The following NAV2 variants were observed in gnomAD, a reference collection of about 807,000 sequenced individuals.
NAV2 encodes helicase, APC down-regulated 1.
Under a neutral mutation model 223.2 loss-of-function variants are expected in NAV2, and 54 were observed. The ratio of observed to expected loss-of-function variants is 0.24; its 90% CI spans 0.19 to 0.30. NAV2 has a LOEUF of 0.30. Among genes scored for constraint, NAV2 ranks in the 10% least tolerant of loss-of-function variants. The pLI, the probability that NAV2 is intolerant of heterozygous loss-of-function variation, is 1.00. For synonymous variants in NAV2, 1,279 were observed against 1,239.3 expected, an observed-to-expected ratio of 1.03 and a Z score of -0.67; for missense variants, 2,806 against 3,147.5, an observed-to-expected ratio of 0.89 and a Z score of 2.60.
chr11:19,722,169 T>C (rs2050796575), intron 1 of NAV2, among the ~76,000 whole-genome samples: 1 of 152,244 alleles, frequency 6.6e-6, no homozygotes, highest in South Asian at 2.1e-4. Flanking sequence ...GTGAAAACTT[T>C]GGCTTAATTC....
chr11:20,101,470 A>G (rs929081942), intron 32 of NAV2, among the ~76,000 whole-genome samples: 2 of 152,222 alleles, frequency 1.3e-5, no homozygotes, highest in African/African-American at 4.8e-5. Context: ...TTTCCAAAGT[A>G]AAATATTTTG....
chr11:19,869,019 G>A (rs774866795), intron 4 of NAV2, 22 bp downstream of exon 4: 32 of 1,610,688 alleles, frequency 2.0e-5, no homozygotes, highest in Non-Finnish European at 2.3e-5. Flanking sequence ...CGCTTGTCAC[G>A]AAGCTGCCTC....
intron 1 of NAV2, among the ~76,000 whole-genome samples, chr11:19,665,338 G>A (rs1422169862): frequency 6.6e-6 from 1 of 152,234 alleles, no homozygotes; most frequent in Non-Finnish European, 1.5e-5. Flanking sequence ...GGTCTGTGGA[G>A]CCGATGCTGT....
At chr11:19,703,457 A>G (rs2049568880) in intron 1 of NAV2, among the ~76,000 whole-genome samples, 1 of 152,164 alleles carries the variant, frequency 6.6e-6, no homozygotes, top group Non-Finnish European at 1.5e-5. Flanking sequence ...GGAGGTGGGG[A>G]GCATCGCAGC....
rs145198640 is a variant in NAV2 at position 19,848,609 on chromosome 11, G to A, written c.438+5686G>A. On this transcript the variant is annotated intron_variant, in intron 3 of 37. Coordinates refer to ENST00000349880, the MANE Select transcript of NAV2 (RefSeq NM_145117.5). ...GGAGCCAGTTCCTATAACAGAGGTA[G>A]TAACAGTATTTGCCTCATGGGGTTG... 2.6e-4 allele frequency among the ~76,000 whole-genome samples: 40 copies of A among 152,336 alleles called. No individual in the cohort carries two copies. The East Asian group carries it at 7.1e-3, about 27-fold the overall frequency.
intron 3 of NAV2, among the ~76,000 whole-genome samples, chr11:19,853,327 G>A (rs1262903640): frequency 2.6e-5 from 4 of 152,194 alleles, no homozygotes; most frequent in African/African-American, 9.7e-5. Flanking sequence ...ATATTAGTCT[G>A]TAAAGTTGTT....
At chr11:19,480,757 G>A (rs1383968722) in intron 1 of NAV2, among the ~76,000 whole-genome samples, 1 of 152,112 alleles carries the variant, frequency 6.6e-6, no homozygotes, top group Admixed American at 6.5e-5. Flanking sequence ...CTCTCCTTTG[G>A]CCCTTGTCAT....
intron 1 of NAV2, among the ~76,000 whole-genome samples, chr11:19,627,186 G>A (rs2047195995): frequency 6.6e-6 from 1 of 152,108 alleles, no homozygotes; most frequent in Non-Finnish European, 1.5e-5. Flanking sequence ...TCAGGAGTTC[G>A]AGACCAGCCT....
chr11:19,967,288 C>A (rs1389938523), intron 10 of NAV2, among the ~76,000 whole-genome samples: 1 of 152,036 alleles, frequency 6.6e-6, no homozygotes, highest in Non-Finnish European at 1.5e-5. Context: ...TAACCTTCAA[C>A]TGGATTCATA....
chr11:20,039,789 C>T (rs772183625), intron 12 of NAV2, among the ~76,000 whole-genome samples: 36 of 152,126 alleles, frequency 2.4e-4, no homozygotes, highest in Admixed American at 1.5e-3. Context: ...ATAACATATG[C>T]GGAGGAAAAA....
chr11:19,626,677 A>G (rs533272360), intron 1 of NAV2, among the ~76,000 whole-genome samples: 1 of 152,274 alleles, frequency 6.6e-6, no homozygotes, highest in East Asian at 1.9e-4. Context: ...ATGTCTTTCC[A>G]GTTGTTTGCA....
chr11:19,668,701 T>C (rs1251378705), intron 1 of NAV2, among the ~76,000 whole-genome samples: 1 of 152,026 alleles, frequency 6.6e-6, no homozygotes, highest in Non-Finnish European at 1.5e-5. Flanking sequence ...CAAGGCTAGG[T>C]TGAAGACAGG....
At chr11:20,078,178 G>A in intron 24 of NAV2, 74 bp downstream of exon 24, 2 of 1,016,004 alleles carry the variant, frequency 2.0e-6, no homozygotes, top group Non-Finnish European at 3.0e-6. Flanking sequence ...ATCATATGAT[G>A]CAACCTCCTT....
chr11:19,719,571 T>C (rs917690902), intron 1 of NAV2, among the ~76,000 whole-genome samples: 6 of 152,216 alleles, frequency 3.9e-5, no homozygotes, highest in African/African-American at 1.4e-4. Flanking sequence ...GCTAGGAATA[T>C]ATAGTATTGC....
intron 10 of NAV2, among the ~76,000 whole-genome samples, chr11:19,964,648 A>G (rs2048610902): frequency 6.6e-6 from 1 of 151,778 alleles, no homozygotes; most frequent in Non-Finnish European, 1.5e-5. Flanking sequence ...GGCATGTACC[A>G]CCACACCCAG....
chr11:20,108,944 C>G lies in NAV2; in HGVS notation c.6960+1162C>G, dbSNP rs558338674. On this transcript the variant is annotated intron_variant, in intron 36 of 37. Transcript: ENST00000349880. ...AATAATCCAGAAACCAGTTTGGTAG[C>G]CAGGTTTCCAAGAGTTTTTTTGTTT... Among the ~76,000 whole-genome samples the G allele has an allele frequency of 1.4e-3, 216 of 152,290 alleles. 2 individuals are homozygous for G. The highest frequency in any genetic ancestry group is 2.5e-3 in the Non-Finnish European group (173 of 68,028).
upstream of NAV2, chr11:19,350,663 T>G: frequency 2.3e-6 from 1 of 443,402 alleles, no homozygotes; most frequent in Non-Finnish European, 4.2e-6. Context: ...TTTGCCCAGA[T>G]TTGTCCTCTG....
At chr11:19,525,200 G>T (rs2043805786) in intron 1 of NAV2, among the ~76,000 whole-genome samples, 1 of 152,188 alleles carries the variant, frequency 6.6e-6, no homozygotes, top group Non-Finnish European at 1.5e-5. Context: ...ATTGACAGAT[G>T]GGGAAACTGG....
upstream of NAV2, among the ~76,000 whole-genome samples, chr11:19,348,617 G>A (rs1163779014): frequency 6.6e-6 from 1 of 152,178 alleles, no homozygotes; most frequent in Admixed American, 6.5e-5. Flanking sequence ...GCCCTTAACA[G>A]AGATGTGCTG....
Sources: allele counts gnomAD v4.1 joint callset (sites outside exome capture counted in the v4.1 genomes callset), GRCh38; gene constraint gnomAD v4.1.1; transcripts MANE v1.5; gene names NCBI Gene and HGNC (gene_info 2026-07-23, HGNC 2026-07-21).